Variants in KHK observed in about 807,000 individuals in gnomAD.
The protein encoded by KHK is fructokinase.
KHK carries 37 observed loss-of-function variants against 36.0 expected under a neutral mutation model. The observed-to-expected ratio is 1.03, with a 90% confidence interval of 0.79 to 1.35. The LOEUF (loss-of-function observed/expected upper bound fraction) is 1.35. KHK is among the 40% of genes most tolerant of loss of function. KHK has a pLI of 0.00. For synonymous variants in KHK, 161 were observed against 162.8 expected, an observed-to-expected ratio of 0.99 and a Z score of 0.08; for missense variants, 395 against 391.9, an observed-to-expected ratio of 1.01 and a Z score of -0.07.
chr2:27,099,679 G>A lies in KHK; in HGVS notation c.826G>A (p.Glu276Lys), dbSNP rs761486852. 7 of 1,614,154 alleles carry A rather than the reference G, an allele frequency of 4.3e-6. 1 individual carries two copies. The highest frequency in any genetic ancestry group is 1.7e-4 in the Middle Eastern group (1 of 6,060). Residue 276 changes from glutamate (E) to lysine (K), a missense_variant, in exon 8 of 8, where the codon GAA (glutamate) becomes AAA (lysine). By Grantham distance (56) the Glu-to-Lys change is moderately conservative. Transcript: ENST00000260598. ...FSLSQGRSVQEALRFGCQVAG... is the reference protein window; with the variant it reads ...FSLSQGRSVQKALRFGCQVAG... ...CCCTCCTCCAGGGAGGAGCGTGCAG[G>A]AAGCACTGAGATTCGGGTGCCAGGT...
At position 27,092,348 on chromosome 2, in the gene KHK, T is replaced by G; in HGVS notation, c.109T>G (p.Trp37Gly). 6.2e-7 allele frequency: 1 copy of G among 1,613,088 alleles called. No individual in the cohort carries two copies. ...GCTTTGCAGGTGTTTGTCCCAGAGA[T>G]GGCAGCGCGGAGGCAACGCGTCCAA... ...DSEIRCLSQR[W>G]QRGGNASNSC... The change falls in exon 2 of 8, where the codon TGG becomes GGG. Residue 37 changes from tryptophan (W) to glycine (G), a missense_variant. Coordinates refer to ENST00000260598, the MANE Select transcript of KHK (RefSeq NM_006488.3).
At chr2:27,097,736 A>T in intron 5 of KHK, 87 bp downstream of exon 5, 13 of 1,553,450 alleles carry the variant, frequency 8.4e-6, no homozygotes, top group Non-Finnish European at 1.1e-5. Context: ...TGCCTACCAC[A>T]ATTGGAATAG....
chr2:27,096,251 CG>C (rs991235424), intron 3 of KHK, among the ~76,000 whole-genome samples: 1 of 152,160 alleles, frequency 6.6e-6, no homozygotes, highest in Non-Finnish European at 1.5e-5. Flanking sequence ...AGGGTTGCAA[CG>C]GGGAGCTATT....
Position 27,099,492 on chromosome 2 carries a change from G to C in KHK, c.726G>C (p.Ser242=). ...ALGPDGKLLH[S]DAFPPPRVVD... ...GCCCTGATGGCAAATTGCTCCACTC[G>C]GATGCTTTCCCGCCACCCCGCGTGG... The change falls in exon 7 of 8, where the codon TCG becomes TCC. Residue 242 remains serine (S), a synonymous_variant. Coordinates refer to ENST00000260598, the MANE Select transcript of KHK (RefSeq NM_006488.3). 1 of 1,614,132 alleles carries C rather than the reference G, an allele frequency of 6.2e-7. No individual in the cohort carries two copies. The highest frequency in any genetic ancestry group is 8.5e-7 in the Non-Finnish European group (1 of 1,180,006).
chr2:27,095,193 CTG>C (rs767179144), intron 3 of KHK, among the ~76,000 whole-genome samples: 17 of 152,190 alleles, frequency 1.1e-4, no homozygotes, highest in Non-Finnish European at 1.5e-4. Flanking sequence ...CCTATATAAA[CTG>C]TAATTTATTA....
Position 27,099,654 on chromosome 2 carries a change from C to T in KHK, c.812-11C>T, listed in dbSNP as rs1262658567. ...ACACCTGGCTGACCTAGCTACTTGC[C>T]CCTCCTCCAGGGAGGAGCGTGCAGG... On this transcript the variant is annotated splice_polypyrimidine_tract_variant and intron_variant, in intron 7 of 7. Transcript: ENST00000260598. The T allele has an allele frequency of 1.2e-6, 2 of 1,614,034 alleles. No homozygotes were observed. Among genetic ancestry groups the T allele is most frequent in the African/African-American group, 2.7e-5 (2 of 74,932 alleles).
At chr2:27,088,175 CA>C (rs1669779465) in intron 1 of KHK, among the ~76,000 whole-genome samples, 1 of 144,272 alleles carries the variant, frequency 6.9e-6, no homozygotes, top group South Asian at 2.2e-4. Flanking sequence ...GTGGTGCAAC[CA>C]TGCTCACTGC....
chr2:27,095,027 C>T lies in KHK; in HGVS notation c.344+93C>T. 5 of 1,423,614 alleles carry T rather than the reference C, an allele frequency of 3.5e-6. No individual in the cohort carries two copies. The East Asian group carries it at 6.8e-5, about 19-fold the overall frequency. 88.2% of individuals were successfully genotyped at this position (1,423,614 alleles called of 1,614,324 possible). The stretch of plus-strand genomic sequence containing the variant: ...CCACCATGGGCATCCCAACTGCCCC[C>T]CTCTGTGGCTTCTGTGTACCAGAAG... On this transcript the variant is annotated intron_variant, in intron 3 of 7. Transcript: ENST00000260598.
At chr2:27,091,038 A>G (rs1669973238) in intron 1 of KHK, among the ~76,000 whole-genome samples, 3 of 21,196 alleles carry the variant, frequency 1.4e-4, no homozygotes, top group African/African-American at 2.0e-4. Context: ...CCTGGGTGAC[A>G]GAGTGACTCT....
rs769613433 is a variant in KHK at position 27,094,824 on chromosome 2, G to A, written c.234G>A (p.Arg78=). Residue 78 remains arginine (R), a synonymous_variant, in exon 3 of 8, where the codon CGG becomes CGA. Coordinates refer to ENST00000260598, the MANE Select transcript of KHK (RefSeq NM_006488.3). ...VADFLVADFR[R]RGVDVSQVAW... ...GCTTCCTGGTGGCCGACTTCAGGCG[G>A]CGGGGCGTGGACGTGTCTCAGGTGG... 5.0e-6 allele frequency: 8 copies of A among 1,613,918 alleles called. No individual in the cohort carries two copies. The highest frequency in any genetic ancestry group is 4.0e-5 in the African/African-American group (3 of 74,952).
At chr2:27,087,502 G>A (rs991886947) in intron 1 of KHK, 151 bp downstream of exon 1, 6 of 575,920 alleles carry the variant, frequency 1.0e-5, no homozygotes, top group South Asian at 4.6e-5. Context: ...ATCCTGGGGG[G>A]GCTCCCAGCA....
intron 7 of KHK, 26 bp downstream of exon 7, chr2:27,099,603 AGGACTG>A: frequency 6.2e-7 from 1 of 1,613,998 alleles, no homozygotes; most frequent in Non-Finnish European, 8.5e-7. Flanking sequence ...GGAGGGGAAA[AGGACTG>A]GGACCTGTCC....
chr2:27,096,892 A>T, intron 4 of KHK, 91 bp downstream of exon 4: 1 of 946,148 alleles, frequency 1.1e-6, no homozygotes, highest in Non-Finnish European at 1.7e-6. Flanking sequence ...ATCATGAAGT[A>T]CCTTAGAGAT....
In KHK at chr2:27,099,217, G is replaced by A; in HGVS notation, c.586G>A (p.Ala196Thr). 6.2e-7 allele frequency: 1 copy of A among 1,614,136 alleles called. No homozygotes were observed. Among genetic ancestry groups the A allele is most frequent in the South Asian group, 1.1e-5 (1 of 91,080 alleles). The change falls in exon 6 of 8, where the codon GCC (alanine) becomes ACC (threonine). Residue 196 changes from alanine (A) to threonine (T), a missense_variant. By Grantham distance (58) the Ala-to-Thr change is moderately conservative. Transcript: ENST00000260598. Reference protein sequence around the residue: ...GDVVFVSKDVAKHLGFQSAEE... With the variant: ...GDVVFVSKDVTKHLGFQSAEE... ...ACAGGTGTTTGTCAGCAAAGATGTG[G>A]CCAAGCACTTGGGGTTCCAGTCAGC...
Position 27,092,415 on chromosome 2 carries a change from T to C in KHK, c.176T>C (p.Phe59Ser). ...TCCCTGCTCGGAGCCCCCTGTGCCT[T>C]CATGGGCTCAATGGCTCCTGGCCAT... ...VLSLLGAPCA[F>S]MGSMAPGHVA... The change falls in exon 2 of 8, where the codon TTC becomes TCC. Residue 59 changes from phenylalanine to serine, a missense_variant. Phe to Ser is a radical substitution (Grantham distance 155). Coordinates refer to ENST00000260598, the MANE Select transcript of KHK (RefSeq NM_006488.3). 1 of 1,613,440 alleles carries C rather than the reference T, an allele frequency of 6.2e-7. No individual in the cohort carries two copies. The highest frequency in any genetic ancestry group is 8.5e-7 in the Non-Finnish European group (1 of 1,179,892).
chr2:27,094,563 T>C, intron 2 of KHK: 1 of 1,614,128 alleles, frequency 6.2e-7, no homozygotes, highest in Non-Finnish European at 8.5e-7. Flanking sequence ...ATCGCCACGG[T>C]CATCATCAAC....
intron 2 of KHK, among the ~76,000 whole-genome samples, chr2:27,093,728 A>G (rs940229148): frequency 6.6e-6 from 1 of 152,186 alleles, no homozygotes; most frequent in Admixed American, 6.5e-5. Context: ...GCACAGAACA[A>G]TGCCTGTCCA....
At position 27,096,687 on chromosome 2, in the gene KHK, A is replaced by G. The variant is rs748656768; in HGVS notation, c.345-42A>G. ...AGAGATCCTGGCTCTGCCTGACCCC[A>G]TCATGCTCCTTCTTCTCTGTCTTTT... On this transcript the variant is annotated intron_variant, in intron 3 of 7. Coordinates refer to ENST00000260598, the MANE Select transcript of KHK (RefSeq NM_006488.3). The G allele has an allele frequency of 7.1e-6, 11 of 1,542,356 alleles. No individual in the cohort carries two copies. The African/African-American group carries it at 1.5e-4, about 21-fold the overall frequency.
Position 27,094,794 on chromosome 2 carries a change from C to A in KHK, c.210-6C>A, listed in dbSNP as rs1481814394. The A allele has an allele frequency of 6.2e-7, 1 of 1,613,956 alleles. No homozygotes were observed. The highest frequency in any genetic ancestry group is 8.5e-7 in the Non-Finnish European group (1 of 1,180,066). ...GCCCTTTTCCTGGCCCGGCCTCCAC[C>A]CTAAGCTTCCTGGTGGCCGACTTCA... On this transcript the variant is annotated splice_region_variant and splice_polypyrimidine_tract_variant and intron_variant, in intron 2 of 7. Transcript: ENST00000260598.
Sources: gnomAD v4.1 joint callset for allele counts (sites outside exome capture counted in the v4.1 genomes callset) on GRCh38, gnomAD v4.1.1 for gene constraint, MANE v1.5 for transcripts, NCBI Gene and HGNC (gene_info 2026-07-23, HGNC 2026-07-21) for gene names.